The following SRSF11 variants were observed in gnomAD, a reference collection of about 807,000 sequenced individuals.
SRSF11 encodes the protein serine/arginine-rich splicing factor 11.
In SRSF11, 9 loss-of-function variants were observed where a neutral mutation model predicts 56.0. The ratio of observed to expected loss-of-function variants is 0.16; its 90% confidence interval spans 0.10 to 0.28. The LOEUF (loss-of-function observed/expected upper bound fraction) is 0.28. Among genes scored for constraint, SRSF11 ranks in the 10% least tolerant of loss-of-function variants. The pLI is 1.00. For missense variants in SRSF11, 421 were observed against 600.7 expected (o/e 0.70, Z 3.13); for synonymous variants, 222 against 215.3 (o/e 1.03, Z -0.27).
At chr1:70,223,595 ACT>A (rs1365005946) in intron 1 of SRSF11, among the ~76,000 whole-genome samples, 1 of 152,132 alleles carries the variant, frequency 6.6e-6, no homozygotes, top group African/African-American at 2.4e-5. Context: ...ACACATTTTT[ACT>A]CTGACTCCTT....
At chr1:70,227,980 G>A (rs963371307) in intron 1 of SRSF11, among the ~76,000 whole-genome samples, 3 of 152,124 alleles carry the variant, frequency 2.0e-5, no homozygotes, top group Non-Finnish European at 4.4e-5. Flanking sequence ...ATTGATTATT[G>A]AGTACATGTT....
Position 70,221,603 on chromosome 1 carries a change from G to T in SRSF11, c.-34G>T. On this transcript the variant is annotated 5_prime_UTR_variant, in exon 1 of 12. It removes an upstream start codon present in the reference 5' UTR. Coordinates refer to ENST00000370949, the MANE Select transcript of SRSF11 (RefSeq NM_001350605.2). Reference sequence around the variant, plus strand: ...TCTCACTGTTTGTTGTGTGTTTGATGTGTTAAAGCAGGAGCGAGAACCCGA... The same window carrying T: ...TCTCACTGTTTGTTGTGTGTTTGATTTGTTAAAGCAGGAGCGAGAACCCGA... 1 of 1,588,502 alleles carries T rather than the reference G, an allele frequency of 6.3e-7. No homozygotes were observed. Among genetic ancestry groups the T allele is most frequent in the South Asian group, 1.1e-5 (1 of 87,270 alleles).
chr1:70,235,655 C>A, intron 5 of SRSF11, 105 bp downstream of exon 5: 1 of 1,082,922 alleles, frequency 9.2e-7, no homozygotes, highest in South Asian at 1.5e-5. Flanking sequence ...TATCTTTTCT[C>A]AAGACAAGCA....
Position 70,251,393 on chromosome 1 carries a change from G to A in SRSF11, c.*588G>A, listed in dbSNP as rs1192950250. ...TGTGGCTTTTGTTTAACTTTGAAAG[G>A]TTATTATGCACTAACCTTTTTTGGT... On this transcript the variant is annotated 3_prime_UTR_variant, in exon 12 of 12. Coordinates refer to ENST00000370949, the MANE Select transcript of SRSF11 (RefSeq NM_001350605.2). 1 of 152,780 alleles carries A rather than the reference G, an allele frequency of 6.5e-6. No homozygotes were observed. The highest frequency in any genetic ancestry group is 6.5e-5 in the Admixed American group (1 of 15,320). The allele number at this position is 152,780 out of a possible 1,614,324, so 9.5% of individuals were successfully genotyped here.
At chr1:70,250,279 T>C in intron 10 of SRSF11, 86 bp from the exon 11 acceptor site, 2 of 1,555,760 alleles carry the variant, frequency 1.3e-6, no homozygotes, top group Non-Finnish European at 1.7e-6. Flanking sequence ...GGATCTTTGC[T>C]GTACTACTTA....
At chr1:70,207,002 T>A (rs1669103153) in intron 1 of SRSF11, among the ~76,000 whole-genome samples, 1 of 150,994 alleles carries the variant, frequency 6.6e-6, no homozygotes, top group South Asian at 2.1e-4. Context: ...GTGATTCTCC[T>A]GCCTCAGCCT....
chr1:70,216,208 T>C (rs2100531672), intron 1 of SRSF11, among the ~76,000 whole-genome samples: 1 of 152,318 alleles, frequency 6.6e-6, no homozygotes, highest in East Asian at 1.9e-4. Context: ...GTTTTACGGA[T>C]GTGTATAAAG....
At chr1:70,231,603 TTCTC>T (rs907709073) in intron 2 of SRSF11, 44 of 1,133,306 alleles carry the variant, frequency 3.9e-5, no homozygotes, top group East Asian at 6.2e-5. Flanking sequence ...CTATCTCTCT[TTCTC>T]TCTCACTCCC....
chr1:70,246,583 C>T (rs1001224836), intron 8 of SRSF11: 2 of 318,484 alleles, frequency 6.3e-6, no homozygotes, highest in African/African-American at 2.2e-5. Context: ...TTTTCTCACC[C>T]ATAGTCTACT....
chr1:70,237,381 G>T (rs1437666784), intron 5 of SRSF11, 44 bp from the exon 6 acceptor site: 2 of 1,601,248 alleles, frequency 1.2e-6, no homozygotes, highest in African/African-American at 2.7e-5. Context: ...ATGCTCGTGT[G>T]CATTTTAAAA....
At chr1:70,247,173 A>G in intron 9 of SRSF11, 1 of 932,196 alleles carries the variant, frequency 1.1e-6, no homozygotes, top group Non-Finnish European at 1.3e-6. Context: ...TTTATAGTTT[A>G]AGTTTTAATG....
intron 7 of SRSF11, among the ~76,000 whole-genome samples, chr1:70,241,679 G>T (rs1675440292): frequency 6.6e-6 from 1 of 152,138 alleles, no homozygotes; most frequent in African/African-American, 2.4e-5. Context: ...TTCTGCTCAT[G>T]ATCCTTTCTG....
chr1:70,249,827 T>C, intron 9 of SRSF11, 125 bp from the exon 10 acceptor site: 1 of 990,642 alleles, frequency 1.0e-6, no homozygotes, highest in Middle Eastern at 2.9e-4. Context: ...GCCAAAGTGC[T>C]GGGATTATAG....
At chr1:70,229,155 A>G in intron 2 of SRSF11, 1 of 1,276,730 alleles carries the variant, frequency 7.8e-7, no homozygotes, top group Non-Finnish European at 1.0e-6. Context: ...TATTTCTAGA[A>G]TATCTCTAAA....
chr1:70,207,173 T>C (rs1337863009), intron 1 of SRSF11, among the ~76,000 whole-genome samples: 4 of 152,072 alleles, frequency 2.6e-5, no homozygotes, highest in Admixed American at 2.0e-4. Context: ...ATTACAGGTG[T>C]CAGTCGCCGT....
At chr1:70,239,126 CTG>C (rs1295119362) in intron 6 of SRSF11, among the ~76,000 whole-genome samples, 1 of 152,152 alleles carries the variant, frequency 6.6e-6, no homozygotes, top group Non-Finnish European at 1.5e-5. Context: ...GGGTCTCACT[CTG>C]TTGCCGAGGC....
chr1:70,231,967 C>T, intron 2 of SRSF11: 2 of 1,527,560 alleles, frequency 1.3e-6, no homozygotes, highest in Non-Finnish European at 8.8e-7. Context: ...ACTTAAAAAT[C>T]GAGTACAGGT....
intron 1 of SRSF11, 137 bp from the exon 2 acceptor site, chr1:70,228,285 T>A (rs1672246231): frequency 1.7e-6 from 1 of 600,718 alleles, no homozygotes; most frequent in Non-Finnish European, 2.9e-6. Flanking sequence ...GAGAATGTTT[T>A]CTTTTGAATT....
At chr1:70,215,410 A>G (rs962194607) in intron 1 of SRSF11, among the ~76,000 whole-genome samples, 1 of 152,234 alleles carries the variant, frequency 6.6e-6, no homozygotes, top group African/African-American at 2.4e-5. Flanking sequence ...TTGATAAGCC[A>G]TCTGCCTTAC....
Sources: gnomAD v4.1 joint callset for allele counts (sites outside exome capture counted in the v4.1 genomes callset) on GRCh38, gnomAD v4.1.1 for gene constraint, MANE v1.5 for transcripts, NCBI Gene and HGNC (gene_info 2026-07-23, HGNC 2026-07-21) for gene names.